The following CACNB2 variants were observed in gnomAD, a reference collection of about 807,000 sequenced individuals.
The protein encoded by CACNB2 is calcium voltage-gated channel auxiliary subunit beta 2, also known as voltage-dependent L-type calcium channel subunit beta-2.
In CACNB2, 42 loss-of-function variants were observed where a neutral mutation model predicts 73.3. The ratio of observed to expected loss-of-function variants is 0.57; its 90% CI spans 0.45 to 0.74. The LOEUF is 0.74. Ranked by LOEUF, CACNB2 falls within the 30% of genes least tolerant of loss-of-function variation. CACNB2 has a pLI of 0.00. For synonymous variants in CACNB2, 348 were observed against 310.3 expected, an observed-to-expected ratio of 1.12 and a Z score of -1.28; for missense variants, 940 against 853.0, an observed-to-expected ratio of 1.10 and a Z score of -1.27.
At chr10:18,472,615 A>G (rs947819478) in intron 3 of CACNB2, among the ~76,000 whole-genome samples, 1 of 152,148 alleles carries the variant, frequency 6.6e-6, no homozygotes, top group Non-Finnish European at 1.5e-5. Context: ...AACCCATACA[A>G]TGGAGGTTTA....
intron 2 of CACNB2, among the ~76,000 whole-genome samples, chr10:18,368,313 A>G (rs759606977): frequency 2.6e-5 from 4 of 152,148 alleles, no homozygotes; most frequent in Non-Finnish European, 5.9e-5. Context: ...CACTGGCAAT[A>G]TGGAAAAAAA....
chr10:18,322,876 A>ATTT (rs78454829), intron 2 of CACNB2, among the ~76,000 whole-genome samples: 35 of 142,902 alleles, frequency 2.4e-4, no homozygotes, highest in African/African-American at 7.1e-4. Flanking sequence ...AATATTTTTA[A>ATTT]TTTTTTTTTT....
chr10:18,515,113 C>A, intron 7 of CACNB2: 2 of 1,241,422 alleles, frequency 1.6e-6, no homozygotes, highest in South Asian at 1.2e-5. Flanking sequence ...CAGATTTTAC[C>A]ATCTCACCCT....
rs191217004 is a variant in CACNB2 at position 18,153,651 on chromosome 10, G to A, written c.213+2676G>A. The stretch of plus-strand genomic sequence containing the variant: ...GGCTGGGGTGCAGTGGCGCGATCTC[G>A]GCTCACTACAACCTCTGCCTCCTGG... On this transcript the variant is annotated intron_variant, in intron 2 of 13. Coordinates refer to ENST00000324631, the MANE Select transcript of CACNB2 (RefSeq NM_201596.3). Among the ~76,000 whole-genome samples, 24 of 149,926 alleles carry A rather than the reference G, an allele frequency of 1.6e-4. No homozygotes were observed. The East Asian group carries it at 3.3e-3, about 21-fold the overall frequency.
chr10:18,514,673 A>G (rs908148909), intron 7 of CACNB2: 18 of 982,356 alleles, frequency 1.8e-5, no homozygotes, highest in Non-Finnish European at 2.5e-5. Context: ...TTTCAAACCA[A>G]CTAAATTCAG....
Position 18,485,636 on chromosome 10 carries a change from A to G in CACNB2, c.334-12719A>G, listed in dbSNP as rs942593314. Among the ~76,000 whole-genome samples, 4 of 142,552 alleles carry G rather than the reference A, an allele frequency of 2.8e-5. No homozygotes were observed. The East Asian group carries it at 6.1e-4, about 22-fold the overall frequency. The allele number at this position is 142,552 out of a possible 152,430, so 93.5% of individuals were successfully genotyped here. A position where few individuals can be genotyped will look rare whatever the true frequency, so the allele number is the denominator to read the frequency against. On this transcript the variant is annotated intron_variant, in intron 3 of 13. Transcript: ENST00000324631. ...GAGTGCAGTGGAACAATCTTGGCTC[A>G]CTGCAACCTCCACCTCCCGGGCTTA...
At chr10:18,297,552 T>C (rs1232310920) in intron 2 of CACNB2, among the ~76,000 whole-genome samples, 1 of 152,126 alleles carries the variant, frequency 6.6e-6, no homozygotes, top group Non-Finnish European at 1.5e-5. Context: ...AGTGAGACCA[T>C]GTCTTTAAAA....
chr10:18,482,696 G>C (rs1208404511), intron 3 of CACNB2, among the ~76,000 whole-genome samples: 2 of 152,010 alleles, frequency 1.3e-5, no homozygotes, highest in Admixed American at 6.6e-5. Flanking sequence ...ATTTTTAGTA[G>C]AGACAGGGTT....
At position 18,141,906 on chromosome 10, in the gene CACNB2, A is replaced by G. The variant is rs149250101; in HGVS notation, c.120+1050A>G. ...GTTGGCTTGTTGATTTCAAGCCTAC[A>G]TTTGCCAGATTTTAATTTGCGGTAA... On this transcript the variant is annotated intron_variant, in intron 1 of 13. Coordinates refer to ENST00000324631, the MANE Select transcript of CACNB2 (RefSeq NM_201596.3). 4.8e-3 allele frequency among the ~76,000 whole-genome samples: 733 copies of G among 152,346 alleles called. 5 individuals carry two copies. The highest frequency in any genetic ancestry group is 0.017 in the African/African-American group (689 of 41,590).
chr10:18,479,035 G>A (rs966676656), intron 3 of CACNB2, among the ~76,000 whole-genome samples: 4 of 151,862 alleles, frequency 2.6e-5, no homozygotes, highest in African/African-American at 4.8e-5. Context: ...TCCAGTCTGG[G>A]TGACAAAGTG....
At chr10:18,493,957 A>G (rs1411280926) in intron 3 of CACNB2, among the ~76,000 whole-genome samples, 1 of 152,166 alleles carries the variant, frequency 6.6e-6, no homozygotes, top group Non-Finnish European at 1.5e-5. Context: ...AAAGATATTG[A>G]GGAATAGGTA....
At chr10:18,327,562 T>C (rs1479146125) in intron 2 of CACNB2, among the ~76,000 whole-genome samples, 2 of 152,064 alleles carry the variant, frequency 1.3e-5, no homozygotes, top group African/African-American at 4.8e-5. Flanking sequence ...GTAGGTGGGA[T>C]TACAGGCGCA....
chr10:18,173,290 T>G (rs2033375499), intron 2 of CACNB2, among the ~76,000 whole-genome samples: 1 of 152,238 alleles, frequency 6.6e-6, no homozygotes, highest in African/African-American at 2.4e-5. Context: ...GATAACTTAT[T>G]AAATACTCTT....
chr10:18,362,673 G>A (rs1463220341), intron 2 of CACNB2, among the ~76,000 whole-genome samples: 2 of 152,184 alleles, frequency 1.3e-5, no homozygotes, highest in African/African-American at 2.4e-5. Context: ...GGGCGCCGTG[G>A]CTCACGCCTG....
At chr10:18,514,614 A>G in intron 7 of CACNB2, 1 of 1,489,260 alleles carries the variant, frequency 6.7e-7, no homozygotes, top group Non-Finnish European at 9.4e-7. Context: ...AAATACAATC[A>G]TTTCTGTCCC....
chr10:18,227,040 C>T (rs2036019169), intron 2 of CACNB2, among the ~76,000 whole-genome samples: 2 of 152,042 alleles, frequency 1.3e-5, no homozygotes, highest in Admixed American at 6.6e-5. Context: ...ACATTAGCAG[C>T]CCACATTAGA....
At position 18,539,555 on chromosome 10, in the gene CACNB2, C is replaced by T. The variant is rs548428286; in HGVS notation, c.1814C>T (p.Ser605Phe). 2 of 1,613,624 alleles carry T rather than the reference C, an allele frequency of 1.2e-6. No homozygotes were observed. Among genetic ancestry groups the T allele is most frequent in the Non-Finnish European group, 8.5e-7 (1 of 1,179,956 alleles). Residue 605 changes from serine (S) to phenylalanine (F), a missense_variant, in exon 14 of 14, where the codon TCC (serine) becomes TTC (phenylalanine). Physicochemically the swap from Ser to Phe is radical, Grantham distance 155 (BLOSUM62 -2). Transcript: ENST00000324631. ...AGCAGTGACCACAGACACAGGGAGT[C>T]CCGGCACCGTTCCCGGGACGTGGAT... ...HGSSDHRHRE[S>F]RHRSRDVDRE...
In CACNB2 at chr10:18,402,007, G is replaced by C. The variant is rs769361412; in HGVS notation, c.297G>C (p.Ala99=). The change falls in exon 3 of 14, where the codon GCG becomes GCC. Residue 99 remains alanine (A), a synonymous_variant. Transcript: ENST00000324631. ...EEDREAVRRE[A]ERQAQAQLEK... is the part of the protein sequence containing the mutation. ...ACCGGGAGGCAGTGCGCAGAGAAGC[G>C]GAGCGGCAGGCCCAGGCACAGTTGG... The C allele has an allele frequency of 1.9e-6, 3 of 1,614,068 alleles. No individual in the cohort carries two copies. The highest frequency in any genetic ancestry group is 2.2e-5 in the South Asian group (2 of 91,082).
intron 2 of CACNB2, among the ~76,000 whole-genome samples, chr10:18,259,838 A>G (rs1353352081): frequency 6.6e-6 from 1 of 152,088 alleles, no homozygotes; most frequent in East Asian, 1.9e-4. Flanking sequence ...GGCAATCAAG[A>G]GTTCAAGGCT....
Sources: gnomAD v4.1 joint callset for allele counts (sites outside exome capture counted in the v4.1 genomes callset) on GRCh38, gnomAD v4.1.1 for gene constraint, MANE v1.5 for transcripts, NCBI Gene and HGNC (gene_info 2026-07-23, HGNC 2026-07-21) for gene names.